The following DNAH10 variants were observed in gnomAD, a reference collection of about 807,000 sequenced individuals.
DNAH10 encodes the protein axonemal beta dynein heavy chain 10.
A neutral mutation model predicts 506.6 loss-of-function variants in DNAH10; 348 were observed. That is an observed-to-expected ratio of 0.69 (90% CI 0.63 to 0.75). The LOEUF is 0.75. DNAH10 is among the 30% of genes least tolerant of loss of function. The pLI, the probability that DNAH10 is intolerant of heterozygous loss-of-function variation, is 0.00. For synonymous variants in DNAH10, 2,059 were observed against 2,198.6 expected, an observed-to-expected ratio of 0.94 and a Z score of 1.78; for missense variants, 5,179 against 5,787.1, an observed-to-expected ratio of 0.89 and a Z score of 3.41.
intron 19 of DNAH10, among the ~76,000 whole-genome samples, chr12:123,812,745 C>T (rs1361499748): frequency 6.6e-6 from 1 of 152,144 alleles, no homozygotes; most frequent in Non-Finnish European, 1.5e-5. Context: ...GCTGGGCTCA[C>T]TCGTGTCTAG....
At chr12:123,783,856 G>T in intron 7 of DNAH10, 91 bp from the exon 8 acceptor site, 1 of 1,203,328 alleles carries the variant, frequency 8.3e-7, no homozygotes, top group Non-Finnish European at 1.2e-6. Flanking sequence ...TGGAGCAGTT[G>T]GACAGAAAGA....
chr12:123,838,587 G>A lies in DNAH10; in HGVS notation c.5034G>A (p.Ser1678=), dbSNP rs781571509. 8.1e-6 allele frequency: 13 copies of A among 1,613,886 alleles called. No individual in the cohort carries two copies. The Admixed American group carries it at 1.5e-4, about 19-fold the overall frequency. Residue 1678 remains serine (S), a synonymous_variant, in exon 29 of 79, where the codon TCG becomes TCA. Coordinates refer to ENST00000673944, the MANE Select transcript of DNAH10 (RefSeq NM_001372106.1). ...CQKSLNDYLD[S]KRNAFPRFFF... is the part of the protein sequence containing the mutation. Reference sequence around the variant, plus strand: ...AAAGCCTCAACGACTACTTAGATTCGAAGAGAAATGCTTTCCCAAGGTTCT... The same window carrying A: ...AAAGCCTCAACGACTACTTAGATTCAAAGAGAAATGCTTTCCCAAGGTTCT...
intron 51 of DNAH10, among the ~76,000 whole-genome samples, chr12:123,884,191 C>T (rs1015975012): frequency 6.6e-6 from 1 of 152,194 alleles, no homozygotes; most frequent in Non-Finnish European, 1.5e-5. Context: ...TGTGCCACCA[C>T]GCCCGGCTAA....
intron 51 of DNAH10, among the ~76,000 whole-genome samples, chr12:123,885,273 C>G (rs1312604339): frequency 1.3e-5 from 2 of 152,198 alleles, no homozygotes; most frequent in African/African-American, 4.8e-5. Context: ...TCATTTTTCC[C>G]CACTGTGTCA....
chr12:123,803,937 A>G (rs1958564785), intron 17 of DNAH10, 112 bp downstream of exon 17: 2 of 1,030,918 alleles, frequency 1.9e-6, no homozygotes, highest in Non-Finnish European at 1.4e-6. Flanking sequence ...TGTATGTTCC[A>G]TGAATGGCAT....
At chr12:123,874,853 T>C (rs1416804997) in intron 46 of DNAH10, among the ~76,000 whole-genome samples, 1 of 151,866 alleles carries the variant, frequency 6.6e-6, no homozygotes, top group Non-Finnish European at 1.5e-5. Context: ...TGTTGAATTC[T>C]TGTCTGTCCA....
chr12:123,837,145 C>T (rs1227170594), intron 28 of DNAH10, among the ~76,000 whole-genome samples: 1 of 147,890 alleles, frequency 6.8e-6, no homozygotes, highest in Non-Finnish European at 1.5e-5. Context: ...GCCACTGTGC[C>T]CAGCCGGTGA....
At position 123,934,202 on chromosome 12, in the gene DNAH10, C is replaced by G. The variant is rs1053775038; in HGVS notation, c.13478-419C>G. 1.3e-5 allele frequency: 9 copies of G among 701,428 alleles called. 1 individual carries two copies. The highest frequency in any genetic ancestry group is 3.0e-5 in the South Asian group (2 of 67,428). The allele number at this position is 701,428 out of a possible 1,614,324, so 43.5% of individuals were successfully genotyped here. On this transcript the variant is annotated intron_variant, in intron 77 of 78. Coordinates refer to ENST00000673944, the MANE Select transcript of DNAH10 (RefSeq NM_001372106.1). ...GGTCCTCCTCCCCGGAGACCACTTT[C>G]TCTGTGAGGCTTCGACTTCCTGCTC...
intron 21 of DNAH10, among the ~76,000 whole-genome samples, chr12:123,815,831 C>T (rs77671640): frequency 0.03 from 4,529 of 152,286 alleles, 179 homozygotes; most frequent in African/African-American, 0.094. Context: ...ACCTATTGCT[C>T]CTAGGCTACA....
At position 123,926,815 on chromosome 12, in the gene DNAH10, G is replaced by C; in HGVS notation, c.12100G>C (p.Glu4034Gln). ...ATTCCTTGCAATGGGTCAAGGTCAA[G>C]AAAAGGTAATTTGTGGCTGAAAGGA... ...LKFLAMGQGQ[E>Q]KVALQLLETA... Residue 4034 changes from glutamate to glutamine, a missense_variant, in exon 69 of 79, where the codon GAA (glutamate) becomes CAA (glutamine). Around this residue, in one of 3 missense-constraint regions of DNAH10, gnomAD observed 4,844 missense variants for 5,430.5 expected, o/e 0.89. Coordinates refer to ENST00000673944, the MANE Select transcript of DNAH10 (RefSeq NM_001372106.1). The surrounding 1 kb of genome is among the most constrained non-coding windows in gnomAD (Gnocchi z 4.1). 6.2e-7 allele frequency: 1 copy of C among 1,613,804 alleles called. No homozygotes were observed. The highest frequency in any genetic ancestry group is 1.3e-5 in the African/African-American group (1 of 75,040).
chr12:123,790,954 C>T (rs1958057329), intron 11 of DNAH10, among the ~76,000 whole-genome samples: 1 of 151,968 alleles, frequency 6.6e-6, no homozygotes, highest in South Asian at 2.1e-4. Context: ...GTGAGATGCC[C>T]ATCTCTACAA....
At chr12:123,849,090 C>T (rs959011216) in intron 34 of DNAH10, among the ~76,000 whole-genome samples, 2 of 152,162 alleles carry the variant, frequency 1.3e-5, no homozygotes, top group African/African-American at 4.8e-5. Context: ...AAGGACTTCA[C>T]ACTGACTCCA....
In DNAH10 at chr12:123,917,810, A is replaced by G; in HGVS notation, c.11229A>G (p.Thr3743=). The G allele has an allele frequency of 6.4e-7, 1 of 1,568,046 alleles. No individual in the cohort carries two copies. The highest frequency in any genetic ancestry group is 8.6e-7 in the Non-Finnish European group (1 of 1,156,818). Residue 3743 remains threonine, a synonymous_variant, in exon 64 of 79, where the codon ACA becomes ACG. Transcript: ENST00000673944. This position sits in a 1 kb window ranked among gnomAD's most constrained non-coding sequence, Gnocchi z 5.6. ...TGGAGGAGACCAAATCCAAGGCAAC[A>G]GAGGTAGCAACCACAGTGGAAGAGG... is the stretch of plus-strand genomic sequence containing the variant. The part of the protein sequence containing the change: ...HTLEETKSKA[T]EVSEKLKLAE...
chr12:123,820,328 G>A (rs935744734), intron 23 of DNAH10, among the ~76,000 whole-genome samples: 8 of 152,176 alleles, frequency 5.3e-5, no homozygotes, highest in African/African-American at 1.9e-4. Context: ...GACCACCTCA[G>A]ATTCCCTTAA....
In DNAH10 at chr12:123,820,486, A is replaced by T. The variant is rs193015633; in HGVS notation, c.4001-94A>T. On this transcript the variant is annotated intron_variant, in intron 23 of 78. Transcript: ENST00000673944. ...CTTCCCGTGTGGTTTATGAGGATGA[A>T]ATTATAATTGAGATACATTATGCAT... 5.9e-5 allele frequency: 76 copies of T among 1,297,192 alleles called. No individual in the cohort carries two copies. The African/African-American group carries it at 9.4e-4, about 16-fold the overall frequency. 80.4% of individuals were successfully genotyped at this position (1,297,192 alleles called of 1,614,324 possible).
intron 27 of DNAH10, 60 bp from the exon 28 acceptor site, chr12:123,835,346 C>T: frequency 6.3e-7 from 1 of 1,578,400 alleles, no homozygotes; most frequent in Non-Finnish European, 8.6e-7. Context: ...GGGGCTTTGC[C>T]ATCCACTTTT....
intron 36 of DNAH10, 138 bp from the exon 37 acceptor site, chr12:123,856,918 T>C: frequency 2.2e-6 from 1 of 454,762 alleles, no homozygotes; most frequent in South Asian, 1.2e-4. Context: ...GTGTATAAAA[T>C]TGTTAAAAAT....
intron 27 of DNAH10, among the ~76,000 whole-genome samples, chr12:123,834,294 G>A (rs983936437): frequency 6.6e-6 from 1 of 152,106 alleles, no homozygotes; most frequent in Non-Finnish European, 1.5e-5. Flanking sequence ...TGCAACCTCT[G>A]CCAGCCGGAT....
At chr12:123,831,545 T>C (rs556850508) in intron 26 of DNAH10, among the ~76,000 whole-genome samples, 1 of 152,288 alleles carries the variant, frequency 6.6e-6, no homozygotes, top group East Asian at 1.9e-4. Context: ...GGAACTACAT[T>C]GAGTACGGCC....
Sources: gnomAD v4.1 joint callset for allele counts (sites outside exome capture counted in the v4.1 genomes callset) on GRCh38, gnomAD v4.1.1 for gene constraint, gnomAD v4.1.1 regional missense constraint, Gnocchi (gnomAD v3.1) non-coding constraint, MANE v1.5 for transcripts, NCBI Gene and HGNC (gene_info 2026-07-23, HGNC 2026-07-21) for gene names.